The following KANSL1 variants were observed in gnomAD, a reference collection of about 807,000 sequenced individuals.
KANSL1 encodes MLL1/MLL complex subunit KANSL1.
A neutral mutation model predicts 103.6 loss-of-function variants in KANSL1; 22 were observed. That is an observed-to-expected ratio of 0.21 (90% confidence interval 0.15 to 0.30). The LOEUF is 0.30. Among genes scored for constraint, KANSL1 ranks in the 10% least tolerant of loss-of-function variants. The pLI, the probability that KANSL1 is intolerant of heterozygous loss-of-function variation, is 1.00. For missense variants in KANSL1, 1,337 were observed against 1,399.8 expected (o/e 0.96, Z 0.72); for synonymous variants, 600 against 527.6 (o/e 1.14, Z -1.88).
intron 1 of KANSL1, among the ~76,000 whole-genome samples, chr17:46,190,754 T>C (rs905247225): frequency 1.4e-4 from 21 of 152,340 alleles, no homozygotes; most frequent in Admixed American, 4.6e-4. Context: ...ACACCAAATA[T>C]GCTAAAGGTC....
intron 2 of KANSL1, among the ~76,000 whole-genome samples, chr17:46,160,861 G>A (rs776009732): frequency 6.6e-6 from 1 of 152,160 alleles, no homozygotes; most frequent in Non-Finnish European, 1.5e-5. Context: ...CTTATGCCCA[G>A]GAGATAGGTA....
chr17:46,096,135 T>C (rs952647363), intron 2 of KANSL1, among the ~76,000 whole-genome samples: 1 of 143,448 alleles, frequency 7.0e-6, no homozygotes, highest in African/African-American at 2.5e-5. Flanking sequence ...CATGATACTG[T>C]ATTTTTTTTT....
At chr17:46,074,205 G>T (rs928408640) in intron 4 of KANSL1, among the ~76,000 whole-genome samples, 2 of 151,994 alleles carry the variant, frequency 1.3e-5, no homozygotes, top group East Asian at 3.9e-4. Context: ...AAATATAAGC[G>T]GTACATGCTA....
At chr17:46,201,085 T>C (rs2147980380) in intron 1 of KANSL1, among the ~76,000 whole-genome samples, 1 of 152,282 alleles carries the variant, frequency 6.6e-6, no homozygotes, top group South Asian at 2.1e-4. Context: ...CTAATCTTTG[T>C]ATTTTTAGTA....
chr17:46,167,023 A>C (rs1355303712), intron 2 of KANSL1, among the ~76,000 whole-genome samples: 1 of 151,982 alleles, frequency 6.6e-6, no homozygotes, highest in Non-Finnish European at 1.5e-5. Context: ...AAAGAAAAAA[A>C]AAATTTCGGG....
At chr17:46,192,148 C>T (rs1300575607) in intron 1 of KANSL1, among the ~76,000 whole-genome samples, 1 of 152,122 alleles carries the variant, frequency 6.6e-6, no homozygotes, top group Non-Finnish European at 1.5e-5. Flanking sequence ...CATTGGAAAA[C>T]GAGGATTTTT....
At chr17:46,068,223 C>T (rs2078452072) in intron 4 of KANSL1, among the ~76,000 whole-genome samples, 1 of 152,124 alleles carries the variant, frequency 6.6e-6, no homozygotes, top group African/African-American at 2.4e-5. Flanking sequence ...TTAACTCTAA[C>T]AGAGTATGCT....
rs942182430 is a variant in KANSL1 at position 46,171,629 on chromosome 17, T to A, written c.515A>T (p.Asn172Ile). The A allele has an allele frequency of 1.3e-6, 2 of 1,570,942 alleles. No homozygotes were observed. The highest frequency in any genetic ancestry group is 1.4e-5 in the African/African-American group (1 of 72,880). Residue 172 changes from asparagine to isoleucine, a missense_variant, in exon 2 of 15, where the codon AAT becomes ATT. By Grantham distance (149) the Asn-to-Ile change is moderately radical (BLOSUM62 -3). This residue lies in a region of KANSL1 where 557 missense variants were observed against 476.4 expected (regional missense o/e 1.17). Coordinates refer to ENST00000432791, the MANE Select transcript of KANSL1 (RefSeq NM_015443.4). ...TTTTCCCCCATTGAGGGAAGTGGAA[T>A]TGTCATGATCAGAATGTGTTGAACT... is the stretch of plus-strand genomic sequence containing the variant. ...TKSSTHSDHD[N>I]STSLNGGKRA...
rs145138792 is a variant in KANSL1 at position 46,189,224 on chromosome 17, G to A, written c.-90+3599C>T. On this transcript the variant is annotated intron_variant, in intron 1 of 14. Coordinates refer to ENST00000432791, the MANE Select transcript of KANSL1 (RefSeq NM_015443.4). The stretch of plus-strand genomic sequence containing the variant: ...AATCACAGCGAGACCCCGAGACCTC[G>A]TCTCTAAAATGAAAAAGAAACAAAA... Among the ~76,000 whole-genome samples, 1,301 of 151,840 alleles carry A rather than the reference G, an allele frequency of 8.6e-3. 21 individuals carry two copies. Among genetic ancestry groups the A allele is most frequent in the Non-Finnish European group, 7.9e-3 (540 of 67,976 alleles).
At chr17:46,180,462 C>T (rs2046735460) in intron 1 of KANSL1, among the ~76,000 whole-genome samples, 1 of 152,170 alleles carries the variant, frequency 6.6e-6, no homozygotes, top group Admixed American at 6.5e-5. Context: ...CGCACCATTG[C>T]ACTCCAGCCT....
At chr17:46,131,624 C>T (rs1160459160) in intron 2 of KANSL1, among the ~76,000 whole-genome samples, 4 of 152,192 alleles carry the variant, frequency 2.6e-5, no homozygotes, top group Non-Finnish European at 4.4e-5. Context: ...GAGCACTATA[C>T]AGTAATCAAA....
chr17:46,200,524 C>T (rs1337043703), intron 1 of KANSL1, among the ~76,000 whole-genome samples: 2 of 152,162 alleles, frequency 1.3e-5, no homozygotes, highest in African/African-American at 4.8e-5. Flanking sequence ...GGGCAGATCA[C>T]GAGATCCGGA....
intron 2 of KANSL1, among the ~76,000 whole-genome samples, chr17:46,147,418 AC>A (rs1329699816): frequency 6.6e-6 from 1 of 152,148 alleles, no homozygotes; most frequent in Non-Finnish European, 1.5e-5. Context: ...TACAAAAAAT[AC>A]AAAAATTAGC....
intron 2 of KANSL1, among the ~76,000 whole-genome samples, chr17:46,118,318 C>G (rs1162338972): frequency 6.6e-6 from 1 of 152,268 alleles, no homozygotes; most frequent in African/African-American, 2.4e-5. Flanking sequence ...AGCACTGGGT[C>G]TGCAAGCCTC....
At chr17:46,173,146 T>A (rs2046365906) in intron 1 of KANSL1, among the ~76,000 whole-genome samples, 1 of 152,254 alleles carries the variant, frequency 6.6e-6, no homozygotes, top group Non-Finnish European at 1.5e-5. Flanking sequence ...TCTTTCCTGA[T>A]GTCCTTGTAC....
chr17:46,194,081 T>G (rs1484486775), upstream of KANSL1, among the ~76,000 whole-genome samples: 1 of 152,084 alleles, frequency 6.6e-6, no homozygotes, highest in Non-Finnish European at 1.5e-5. Context: ...ACGTAGTCAC[T>G]GCGCAGGCCC....
intron 10 of KANSL1, chr17:46,035,899 T>G (rs910819823): frequency 6.6e-6 from 1 of 152,050 alleles, no homozygotes; most frequent in Non-Finnish European, 1.5e-5. Context: ...CCTATTATGT[T>G]AGCTACTCAT....
At chr17:46,144,633 AC>A (rs1167521173) in intron 2 of KANSL1, among the ~76,000 whole-genome samples, 1 of 152,208 alleles carries the variant, frequency 6.6e-6, no homozygotes, top group Admixed American at 6.5e-5. Context: ...GAAATTAGAG[AC>A]ATCCCCCTTC....
chr17:46,140,118 A>G (rs376206504), intron 2 of KANSL1, among the ~76,000 whole-genome samples: 1 of 152,204 alleles, frequency 6.6e-6, no homozygotes. Context: ...TCTGGTGTGC[A>G]CATATACACA....
Sources: gnomAD v4.1 joint callset for allele counts (sites outside exome capture counted in the v4.1 genomes callset) on GRCh38, gnomAD v4.1.1 for gene constraint, gnomAD v4.1.1 regional missense constraint, MANE v1.5 for transcripts, NCBI Gene and HGNC (gene_info 2026-07-23, HGNC 2026-07-21) for gene names.